Variants in ASCC1 observed in about 807,000 individuals in gnomAD.
ASCC1 encodes activating signal cointegrator 1 complex subunit 1, also known as ASC-1 complex subunit P50.
Under a neutral mutation model 46.6 loss-of-function variants are expected in ASCC1, and 35 were observed. The observed-to-expected ratio is 0.75, with a 90% confidence interval of 0.57 to 0.99. ASCC1 has a LOEUF of 0.99. ASCC1 is among the 50% of genes least tolerant of loss of function. The pLI is 0.00. For synonymous variants in ASCC1, 143 were observed against 146.6 expected (o/e 0.98, Z 0.18); for missense variants, 376 against 428.7 (o/e 0.88, Z 1.09).
chr10:72,197,675 G>A (rs930828282), intron 4 of ASCC1, among the ~76,000 whole-genome samples: 1 of 151,874 alleles, frequency 6.6e-6, no homozygotes, highest in Non-Finnish European at 1.5e-5. Context: ...GGAGGCTGAG[G>A]TGGGCAGATC....
intron 9 of ASCC1, among the ~76,000 whole-genome samples, chr10:72,100,531 A>G (rs1841632909): frequency 1.3e-5 from 2 of 151,502 alleles, no homozygotes; most frequent in African/African-American, 2.4e-5. Flanking sequence ...CCAGCCTATT[A>G]TATCTTTATT....
rs767236253 is a variant in ASCC1, at chr10:72,128,209, TG to T, written c.872-43del. 4 of 1,563,070 alleles carry T rather than the reference TG, an allele frequency of 2.6e-6. No homozygotes were observed. In the African/African-American group the frequency reaches 5.4e-5, roughly 21 times the overall value. On this transcript the variant is annotated intron_variant, in intron 8 of 9. Coordinates refer to ENST00000672957, the MANE Select transcript of ASCC1 (RefSeq NM_001198800.3). ...GATAATGTTAGAAGCTTAGATTGAT[TG>T]GTTGTTTTCTCTTGGATTTCTATAG...
intron 5 of ASCC1, among the ~76,000 whole-genome samples, chr10:72,172,558 C>A (rs1323900372): frequency 6.8e-6 from 1 of 147,372 alleles, no homozygotes; most frequent in Admixed American, 6.9e-5. Context: ...GTTGACAAGG[C>A]TGGTCTTGAA....
intron 5 of ASCC1, among the ~76,000 whole-genome samples, chr10:72,187,636 C>T (rs138827662): frequency 0.016 from 2,317 of 146,650 alleles, 63 homozygotes; most frequent in African/African-American, 0.053. Context: ...AGGAGAATGG[C>T]GAGAACCCGG....
intron 3 of ASCC1, among the ~76,000 whole-genome samples, chr10:72,210,419 C>T (rs1416302359): frequency 1.3e-5 from 2 of 152,090 alleles, no homozygotes; most frequent in South Asian, 2.1e-4. Flanking sequence ...CTCAGCCTCC[C>T]GAAGTGCTGG....
intron 4 of ASCC1, among the ~76,000 whole-genome samples, chr10:72,197,467 C>CAA (rs59460393): frequency 1.4e-3 from 72 of 51,338 alleles, no homozygotes; most frequent in African/African-American, 3.6e-3. Context: ...GACTCTATCT[C>CAA]AAAAAAAAAA....
At chr10:72,145,609 GGTAA>G (rs1435479813) in intron 7 of ASCC1, among the ~76,000 whole-genome samples, 2 of 152,144 alleles carry the variant, frequency 1.3e-5, no homozygotes, top group African/African-American at 2.4e-5. Context: ...CAGTGAAAAT[GGTAA>G]GTGTTATTAA....
chr10:72,207,340 G>C (rs780395843), intron 3 of ASCC1, among the ~76,000 whole-genome samples: 11 of 152,144 alleles, frequency 7.2e-5, no homozygotes, highest in Non-Finnish European at 8.8e-5. Flanking sequence ...CTTAAACCAG[G>C]GAGGTAAAGA....
chr10:72,110,438 A>G (rs1449371202), intron 9 of ASCC1, among the ~76,000 whole-genome samples: 1 of 152,226 alleles, frequency 6.6e-6, no homozygotes, highest in Non-Finnish European at 1.5e-5. Flanking sequence ...ACCAGTCACC[A>G]GCCTCAGGCC....
intron 9 of ASCC1, among the ~76,000 whole-genome samples, chr10:72,120,422 G>A (rs1844057504): frequency 6.6e-6 from 1 of 151,850 alleles, no homozygotes; most frequent in Non-Finnish European, 1.5e-5. Context: ...TCCAAGAACT[G>A]TGGTACAACT....
At chr10:72,206,574 T>A (rs916315005) in intron 3 of ASCC1, among the ~76,000 whole-genome samples, 4 of 152,182 alleles carry the variant, frequency 2.6e-5, no homozygotes, top group African/African-American at 9.6e-5. Context: ...GTTAGTAGAT[T>A]AAGCATACCG....
intron 7 of ASCC1, among the ~76,000 whole-genome samples, chr10:72,141,475 C>T (rs1306112795): frequency 6.6e-6 from 1 of 152,006 alleles, no homozygotes; most frequent in Non-Finnish European, 1.5e-5. Context: ...GATATTTGTC[C>T]CCATATTTCT....
chr10:72,197,600 G>A (rs1317319216), intron 4 of ASCC1, among the ~76,000 whole-genome samples: 1 of 151,834 alleles, frequency 6.6e-6, no homozygotes, highest in African/African-American at 2.4e-5. Flanking sequence ...AAAAAGTTTG[G>A]TAATTCCTTA....
intron 8 of ASCC1, among the ~76,000 whole-genome samples, chr10:72,131,396 G>A (rs1845572624): frequency 1.3e-5 from 2 of 151,572 alleles, no homozygotes; most frequent in Non-Finnish European, 2.9e-5. Context: ...ACTCCGGCCT[G>A]GGCGACAGAG....
chr10:72,119,372 G>T (rs1282383285), intron 9 of ASCC1, among the ~76,000 whole-genome samples: 1 of 152,156 alleles, frequency 6.6e-6, no homozygotes, highest in Admixed American at 6.5e-5. Context: ...GGGGAAGGAT[G>T]ATATCCAACT....
At chr10:72,098,466 C>A (rs1432431051) in intron 9 of ASCC1, among the ~76,000 whole-genome samples, 2 of 152,210 alleles carry the variant, frequency 1.3e-5, no homozygotes, top group African/African-American at 4.8e-5. Context: ...CTCAGGCAAT[C>A]CTCCCATCTC....
At chr10:72,125,809 AT>A (rs1485110764) in intron 9 of ASCC1, among the ~76,000 whole-genome samples, 2 of 152,172 alleles carry the variant, frequency 1.3e-5, no homozygotes, top group Non-Finnish European at 2.9e-5. Context: ...AACTCACCCC[AT>A]GGTTTTTATA....
chr10:72,135,765 G>A (rs1846107102), intron 7 of ASCC1, among the ~76,000 whole-genome samples: 1 of 152,206 alleles, frequency 6.6e-6, no homozygotes, highest in Admixed American at 6.5e-5. Context: ...TGGGACAGTG[G>A]CACTGTAAGT....
intron 5 of ASCC1, among the ~76,000 whole-genome samples, chr10:72,178,746 C>T (rs1037199715): frequency 6.6e-6 from 1 of 152,036 alleles, no homozygotes; most frequent in Non-Finnish European, 1.5e-5. Flanking sequence ...TAGGCTGCTA[C>T]GATTGTGGTA....
Sources: allele counts gnomAD v4.1 joint callset (sites outside exome capture counted in the v4.1 genomes callset), GRCh38; gene constraint gnomAD v4.1.1; transcripts MANE v1.5; gene names NCBI Gene and HGNC (gene_info 2026-07-23, HGNC 2026-07-21).